Variants in ABCB10 observed in about 807,000 individuals in gnomAD.
ABCB10 encodes ATP binding cassette subfamily B member 10.
Under a neutral mutation model 65.4 loss-of-function variants are expected in ABCB10, and 54 were observed. The observed-to-expected ratio is 0.83, with a 90% CI of 0.66 to 1.04. ABCB10 has a LOEUF of 1.04. Among genes scored for constraint, ABCB10 ranks in the 50% least tolerant of loss-of-function variants. ABCB10 has a pLI of 0.00. For missense variants in ABCB10, 846 were observed against 976.6 expected (o/e 0.87, Z 1.78); for synonymous variants, 418 against 406.5 (o/e 1.03, Z -0.34).
intron 4 of ABCB10, 77 bp from the exon 5 acceptor site, chr1:229,540,829 G>A: frequency 5.5e-6 from 8 of 1,460,910 alleles, no homozygotes; most frequent in South Asian, 2.8e-5. Context: ...AATAAAATGT[G>A]GTTCTCATTT....
intron 7 of ABCB10, 30 bp from the exon 8 acceptor site, chr1:229,530,438 T>C (rs749850122): frequency 5.6e-6 from 9 of 1,609,646 alleles, no homozygotes; most frequent in South Asian, 4.4e-5. Context: ...ATTAATTACT[T>C]ACAGCAAAAA....
Position 229,558,233 on chromosome 1 carries a change from A to T in ABCB10, c.420T>A (p.Pro140=). The change falls in exon 1 of 13, where the codon CCT becomes CCA. Residue 140 remains proline, a synonymous_variant. Coordinates refer to ENST00000344517, the MANE Select transcript of ABCB10 (RefSeq NM_012089.3). ...GGCGCAGCCGCCCCTTGTCCCCGGG[A>T]GGCGCCGCCGGCCCGCGCCGCCAGG... ...DEAWRRGPAA[P]PGDKGRLRPA... 2 of 1,356,450 alleles carry T rather than the reference A, an allele frequency of 1.5e-6. No individual in the cohort carries two copies. Among genetic ancestry groups the T allele is most frequent in the South Asian group, 3.4e-5 (2 of 59,182 alleles). The allele number at this position is 1,356,450 out of a possible 1,614,324, so 84.0% of individuals were successfully genotyped here. A position where few individuals can be genotyped will look rare whatever the true frequency, so the allele number is the denominator to read the frequency against.
chr1:229,530,734 G>A (rs1421180598), intron 7 of ABCB10, among the ~76,000 whole-genome samples: 2 of 152,198 alleles, frequency 1.3e-5, no homozygotes, highest in Non-Finnish European at 2.9e-5. Context: ...AACAAGTAGT[G>A]GAGTTAAGAT....
At chr1:229,531,932 T>G in intron 6 of ABCB10, 2 of 329,354 alleles carry the variant, frequency 6.1e-6, no homozygotes, top group Non-Finnish European at 1.1e-5. Flanking sequence ...TGGCTTCTCC[T>G]CCTCCAGTTT....
rs1228285890 is a variant in ABCB10, at chr1:229,518,086, A to G, written c.*93T>C. The G allele has an allele frequency of 1.1e-6, 1 of 890,108 alleles. No individual in the cohort carries two copies. 55.1% of individuals were successfully genotyped at this position (890,108 alleles called of 1,614,324 possible). A position where few individuals can be genotyped will look rare whatever the true frequency, so the allele number is the denominator to read the frequency against. On this transcript the variant is annotated 3_prime_UTR_variant, in exon 13 of 13. Coordinates refer to ENST00000344517, the MANE Select transcript of ABCB10 (RefSeq NM_012089.3). Reference sequence around the variant, plus strand: ...AAATAGGTATTTTTCAAATAACTTGATATATGGTTTATGTATTTCATAGTC... The same window carrying G: ...AAATAGGTATTTTTCAAATAACTTGGTATATGGTTTATGTATTTCATAGTC...
intron 10 of ABCB10, among the ~76,000 whole-genome samples, chr1:229,525,360 T>C (rs1168932711): frequency 6.6e-6 from 1 of 152,146 alleles, no homozygotes; most frequent in African/African-American, 2.4e-5. Flanking sequence ...GTTGTTGTTG[T>C]TGTTGTTGTT....
At chr1:229,541,525 C>G (rs1410800056) in intron 4 of ABCB10, among the ~76,000 whole-genome samples, 1 of 152,150 alleles carries the variant, frequency 6.6e-6, no homozygotes, top group African/African-American at 2.4e-5. Flanking sequence ...CCGCACCTGG[C>G]CATTTTTAAT....
At position 229,540,827 on chromosome 1, in the gene ABCB10, G is replaced by C. The variant is rs778557822; in HGVS notation, c.1057-75C>G. On this transcript the variant is annotated intron_variant, in intron 4 of 12. Coordinates refer to ENST00000344517, the MANE Select transcript of ABCB10 (RefSeq NM_012089.3). ...AGCTTCTAAGAAGGAAAAATAAAAT[G>C]TGGTTCTCATTTTGTTATTCATTAG... The C allele has an allele frequency of 2.0e-6, 3 of 1,477,892 alleles. No homozygotes were observed. The African/African-American group carries it at 4.3e-5, about 21-fold the overall frequency. The allele number at this position is 1,477,892 out of a possible 1,614,324, so 91.5% of individuals were successfully genotyped here. A position where few individuals can be genotyped will look rare whatever the true frequency, so the allele number is the denominator to read the frequency against.
intron 8 of ABCB10, among the ~76,000 whole-genome samples, chr1:229,529,531 G>A (rs56930673): frequency 0.031 from 4,617 of 147,440 alleles, 187 homozygotes; most frequent in African/African-American, 0.095. Flanking sequence ...TTAGCTGGGC[G>A]TGGTGGCAGG....
intron 3 of ABCB10, among the ~76,000 whole-genome samples, chr1:229,546,880 T>A (rs1662980057): frequency 6.6e-6 from 1 of 152,058 alleles, no homozygotes. Flanking sequence ...TGAGACTGTC[T>A]CTAAAAAAAT....
chr1:229,519,149 G>C (rs1372928408), intron 11 of ABCB10: 3 of 305,258 alleles, frequency 9.8e-6, no homozygotes, highest in Non-Finnish European at 1.8e-5. Context: ...CTGCTAAAGA[G>C]TAGAGGGTCC....
chr1:229,519,898 G>T (rs543788713), intron 11 of ABCB10, among the ~76,000 whole-genome samples: 135 of 152,290 alleles, frequency 8.9e-4, no homozygotes, highest in Middle Eastern at 3.4e-3. Flanking sequence ...GGCTGAGGGG[G>T]GAGGACTGCT....
At position 229,549,274 on chromosome 1, in the gene ABCB10, A is replaced by G; in HGVS notation, c.678T>C (p.Ala226=). The part of the protein sequence containing the change: ...LGLSAVFLCG[A]AANAIRVYLM... Reference sequence around the variant, plus strand: ...GGTAGACACGAATGGCATTGGCGGCAGCACCACACAGAAACACGGCACTGA... The same window carrying G: ...GGTAGACACGAATGGCATTGGCGGCGGCACCACACAGAAACACGGCACTGA... The change falls in exon 2 of 13, where the codon GCT becomes GCC. Residue 226 remains alanine (A), a synonymous_variant. Coordinates refer to ENST00000344517, the MANE Select transcript of ABCB10 (RefSeq NM_012089.3). The G allele has an allele frequency of 1.9e-6, 3 of 1,614,164 alleles. No homozygotes were observed. Among genetic ancestry groups the G allele is most frequent in the African/African-American group, 1.3e-5 (1 of 75,042 alleles).
Position 229,530,188 on chromosome 1 carries a change from G to C in ABCB10, c.1645+11C>G. Reference sequence around the variant, plus strand: ...GAGTCCCTCGGTGCTACAGTGTGGTGAACTGCTTACCAGAAGCAGGGTCGT... The same window carrying C: ...GAGTCCCTCGGTGCTACAGTGTGGTCAACTGCTTACCAGAAGCAGGGTCGT... On this transcript the variant is annotated intron_variant, in intron 8 of 12. Transcript: ENST00000344517. 6.2e-7 allele frequency: 1 copy of C among 1,613,230 alleles called. No homozygotes were observed. The highest frequency in any genetic ancestry group is 8.5e-7 in the Non-Finnish European group (1 of 1,179,672).
In ABCB10 at chr1:229,547,717, C is replaced by T. The variant is rs187151979; in HGVS notation, c.719-16G>A. The stretch of plus-strand genomic sequence containing the variant: ...ATGCGCTGACCTGCAAAAGCAAACA[C>T]GAACAGGCTCACCAAGGGTAAAGAC... On this transcript the variant is annotated splice_polypyrimidine_tract_variant and intron_variant, in intron 2 of 12. Transcript: ENST00000344517. The T allele has an allele frequency of 1.7e-5, 28 of 1,613,692 alleles. No individual in the cohort carries two copies. Among genetic ancestry groups the T allele is most frequent in the Admixed American group, 1.5e-4 (9 of 60,018 alleles).
intron 11 of ABCB10, among the ~76,000 whole-genome samples, chr1:229,520,472 A>G (rs1376671539): frequency 6.6e-6 from 1 of 151,944 alleles, no homozygotes; most frequent in East Asian, 1.9e-4. Context: ...TCTGTCTCAA[A>G]AAAAAGAAAA....
At chr1:229,547,830 G>A (rs1231785812) in intron 2 of ABCB10, 129 bp from the exon 3 acceptor site, 2 of 814,112 alleles carry the variant, frequency 2.5e-6, no homozygotes, top group Non-Finnish European at 4.1e-6. Flanking sequence ...CTCTGAGCGT[G>A]TCTGCTGCAC....
chr1:229,524,059 T>C (rs748152645), intron 10 of ABCB10, among the ~76,000 whole-genome samples: 1 of 152,082 alleles, frequency 6.6e-6, no homozygotes, highest in Non-Finnish European at 1.5e-5. Context: ...TAACTTCAAA[T>C]GAAAAGTTTA....
intron 1 of ABCB10, among the ~76,000 whole-genome samples, chr1:229,554,390 T>G (rs1411179148): frequency 6.6e-6 from 1 of 152,026 alleles, no homozygotes; most frequent in East Asian, 1.9e-4. Context: ...TGCTCTAGAG[T>G]TAGGAGTATC....
Sources: gnomAD v4.1 joint callset for allele counts (sites outside exome capture counted in the v4.1 genomes callset) on GRCh38, gnomAD v4.1.1 for gene constraint, MANE v1.5 for transcripts, NCBI Gene and HGNC (gene_info 2026-07-23, HGNC 2026-07-21) for gene names.